Variants in TXNDC16 observed in about 807,000 individuals in gnomAD.
The protein encoded by TXNDC16 is thioredoxin domain containing 16.
A neutral mutation model predicts 85.6 loss-of-function variants in TXNDC16; 74 were observed. The observed-to-expected ratio is 0.86, with a 90% CI of 0.72 to 1.05. The LOEUF (loss-of-function observed/expected upper bound fraction) is 1.05. Ranked by LOEUF, TXNDC16 falls within the 50% of genes least tolerant of loss-of-function variation. TXNDC16 has a pLI of 0.00. For synonymous variants in TXNDC16, 335 were observed against 326.5 expected (o/e 1.03, Z -0.28); for missense variants, 959 against 947.0 (o/e 1.01, Z -0.17).
chr14:52,469,692 G>A (rs886251856), intron 16 of TXNDC16, among the ~76,000 whole-genome samples: 9 of 151,954 alleles, frequency 5.9e-5, no homozygotes, highest in Admixed American at 2.0e-4. Flanking sequence ...GCAGTGAGCC[G>A]ACATCACGCC....
intron 16 of TXNDC16, among the ~76,000 whole-genome samples, chr14:52,464,435 G>T (rs78664695): frequency 6.6e-6 from 1 of 152,156 alleles, no homozygotes; most frequent in East Asian, 1.9e-4. Context: ...TGCTTTTTAT[G>T]ATCTGAAGAC....
intron 18 of TXNDC16, among the ~76,000 whole-genome samples, chr14:52,445,647 T>C (rs2035263502): frequency 6.6e-6 from 1 of 152,232 alleles, no homozygotes. Flanking sequence ...ACATGTAAGA[T>C]GGTGGTCCCA....
At chr14:52,438,172 C>T (rs1206297169) in intron 20 of TXNDC16, among the ~76,000 whole-genome samples, 1 of 152,184 alleles carries the variant, frequency 6.6e-6, no homozygotes, top group African/African-American at 2.4e-5. Context: ...GAAATGACAG[C>T]AATGGATTTA....
intron 9 of TXNDC16, among the ~76,000 whole-genome samples, chr14:52,502,795 T>C (rs556972422): frequency 1.3e-5 from 2 of 152,262 alleles, no homozygotes; most frequent in African/African-American, 4.8e-5. Context: ...ACCCAGGAAG[T>C]GCAAGGGGTC....
intron 9 of TXNDC16, among the ~76,000 whole-genome samples, chr14:52,495,763 C>A (rs564631333): frequency 1.3e-5 from 2 of 152,292 alleles, no homozygotes; most frequent in African/African-American, 4.8e-5. Flanking sequence ...TTGAGTCCTG[C>A]ACAAAGTTTA....
In TXNDC16 at chr14:52,543,581, C is replaced by T. The variant is rs898346406; in HGVS notation, c.-24G>A. On this transcript the variant is annotated 5_prime_UTR_variant, in exon 3 of 21. Coordinates refer to ENST00000281741, the MANE Select transcript of TXNDC16 (RefSeq NM_020784.3). ...ATTATCAGCTGCAGTTGTATCTGAG[C>T]GGATTTTGTCTGTTTTTTCACTGCT... The T allele has an allele frequency of 3.7e-6, 6 of 1,610,082 alleles. No homozygotes were observed. The highest frequency in any genetic ancestry group is 5.1e-6 in the Non-Finnish European group (6 of 1,178,380).
intron 9 of TXNDC16, among the ~76,000 whole-genome samples, chr14:52,507,449 T>G (rs1278427488): frequency 1.3e-5 from 2 of 152,150 alleles, no homozygotes; most frequent in Non-Finnish European, 2.9e-5. Context: ...TCCATGCTCA[T>G]GGGTAGGAAG....
intron 18 of TXNDC16, among the ~76,000 whole-genome samples, chr14:52,446,529 G>T (rs1489233849): frequency 1.3e-5 from 2 of 152,074 alleles, no homozygotes; most frequent in Non-Finnish European, 1.5e-5. Context: ...GAGTCCTAGG[G>T]CTGAACTGGG....
chr14:52,533,005 G>T (rs2037618440), intron 6 of TXNDC16, among the ~76,000 whole-genome samples: 1 of 152,104 alleles, frequency 6.6e-6, no homozygotes, highest in African/African-American at 2.4e-5. Context: ...CAAAAATGAG[G>T]ACACTGCCTC....
chr14:52,485,423 A>G (rs2036246248), intron 12 of TXNDC16, among the ~76,000 whole-genome samples: 1 of 152,150 alleles, frequency 6.6e-6, no homozygotes, highest in Admixed American at 6.6e-5. Flanking sequence ...GTAAGCTAAG[A>G]CAAATTATTG....
intron 9 of TXNDC16, among the ~76,000 whole-genome samples, chr14:52,495,708 C>T (rs1251218148): frequency 6.6e-6 from 1 of 152,164 alleles, no homozygotes; most frequent in East Asian, 1.9e-4. Flanking sequence ...GTAAAATACA[C>T]ACCTCTCTCC....
chr14:52,512,171 T>G (rs1210119347), intron 8 of TXNDC16, among the ~76,000 whole-genome samples: 1 of 152,224 alleles, frequency 6.6e-6, no homozygotes, highest in Non-Finnish European at 1.5e-5. Flanking sequence ...ATTCAATGAT[T>G]AAAGAAATAG....
chr14:52,462,175 T>C (rs76175009), intron 16 of TXNDC16, among the ~76,000 whole-genome samples: 13,131 of 152,252 alleles, frequency 0.086, 621 homozygotes, highest in East Asian at 0.14. Flanking sequence ...GGCTTTTAAA[T>C]GGTTTCTCTT....
intron 9 of TXNDC16, among the ~76,000 whole-genome samples, chr14:52,494,742 T>A (rs185782050): frequency 6.6e-6 from 1 of 152,258 alleles, no homozygotes; most frequent in African/African-American, 2.4e-5. Flanking sequence ...CATGATCACA[T>A]ATATATTTTT....
At chr14:52,546,450 A>C (rs531719588) in intron 1 of TXNDC16, among the ~76,000 whole-genome samples, 3 of 152,280 alleles carry the variant, frequency 2.0e-5, no homozygotes, top group Admixed American at 1.3e-4. Context: ...AGCTCCCTCC[A>C]TCCTCCACCT....
At chr14:52,444,003 A>G (rs2035224077) in intron 18 of TXNDC16, among the ~76,000 whole-genome samples, 1 of 152,174 alleles carries the variant, frequency 6.6e-6, no homozygotes, top group Non-Finnish European at 1.5e-5. Flanking sequence ...AAAAAAAAAG[A>G]GTTGAAGATG....
At chr14:52,487,125 A>G (rs2036289229) in intron 12 of TXNDC16, among the ~76,000 whole-genome samples, 1 of 152,204 alleles carries the variant, frequency 6.6e-6, no homozygotes, top group African/African-American at 2.4e-5. Context: ...CAAGTCCTCT[A>G]ACTCTGAAGG....
intron 19 of TXNDC16, 93 bp downstream of exon 19, chr14:52,440,471 T>C: frequency 9.2e-7 from 1 of 1,081,694 alleles, no homozygotes; most frequent in Non-Finnish European, 1.2e-6. Context: ...TAAAATTAAC[T>C]CCAAAGAGTT....
At chr14:52,530,702 A>G (rs1009615280) in intron 6 of TXNDC16, among the ~76,000 whole-genome samples, 34 of 139,892 alleles carry the variant, frequency 2.4e-4, no homozygotes, top group African/African-American at 8.2e-4. Context: ...GATAAGATGT[A>G]TATTTTTTAC....
Sources: allele counts gnomAD v4.1 joint callset (sites outside exome capture counted in the v4.1 genomes callset), GRCh38; gene constraint gnomAD v4.1.1; transcripts MANE v1.5; gene names NCBI Gene and HGNC (gene_info 2026-07-23, HGNC 2026-07-21).